HMMR: variants seen among roughly 807,000 people sequenced by gnomAD.
HMMR encodes the protein hyaluronan mediated motility receptor.
A neutral mutation model predicts 101.0 loss-of-function variants in HMMR; 108 were observed. The ratio of observed to expected loss-of-function variants is 1.07; its 90% CI spans 0.92 to 1.25. HMMR has a LOEUF of 1.25. Among genes scored for constraint, HMMR ranks in the 50% most tolerant of loss-of-function variants. The probability of loss-of-function intolerance (pLI) is 0.00; values close to 1 mark genes in which losing one functional copy is unlikely to be tolerated. For synonymous variants in HMMR, 296 were observed against 276.4 expected, an observed-to-expected ratio of 1.07 and a Z score of -0.70; for missense variants, 813 against 788.7, an observed-to-expected ratio of 1.03 and a Z score of -0.37.
intron 5 of HMMR, 136 bp downstream of exon 5, chr5:163,469,965 C>G (rs752903736): frequency 1.7e-4 from 92 of 556,164 alleles, no homozygotes; most frequent in Admixed American, 2.1e-4. Context: ...GTCGGGAGTT[C>G]GAGACCAGCC....
At chr5:163,466,840 G>T (rs1362591823) in intron 3 of HMMR, among the ~76,000 whole-genome samples, 5 of 152,016 alleles carry the variant, frequency 3.3e-5, no homozygotes, top group Middle Eastern at 3.2e-3. Context: ...AAATGCATAG[G>T]TGGCTTGCAT....
In HMMR at chr5:163,460,661, G is replaced by A. The variant is rs1487258202; in HGVS notation, c.-32G>A. ...CGCATTCAGTTGTCGAGGAGTGCCA[G>A]TCACCTTCAGTTTCTGGAGCTGGCC... On this transcript the variant is annotated 5_prime_UTR_variant, in exon 1 of 18. Transcript: ENST00000393915. 1.3e-6 allele frequency: 2 copies of A among 1,590,918 alleles called. No individual in the cohort carries two copies. Among genetic ancestry groups the A allele is most frequent in the South Asian group, 1.1e-5 (1 of 88,068 alleles).
At chr5:163,461,400 T>A (rs1242996837) in intron 1 of HMMR, among the ~76,000 whole-genome samples, 1 of 152,078 alleles carries the variant, frequency 6.6e-6, no homozygotes, top group Non-Finnish European at 1.5e-5. Flanking sequence ...GTGACCGGAC[T>A]GGAATATGAA....
rs1279471477 is a variant in HMMR, at chr5:163,466,373, G to A, written c.226-1328G>A. ...TAGGTTGTTCATTCATTTGGCAGTT[G>A]CCTAAGCCTCATATTCTGTAATATA... On this transcript the variant is annotated intron_variant, in intron 3 of 17. Coordinates refer to ENST00000393915, the MANE Select transcript of HMMR (RefSeq NM_001142556.2). 2.0e-5 allele frequency among the ~76,000 whole-genome samples: 3 copies of A among 152,324 alleles called. No individual in the cohort carries two copies. The East Asian group carries it at 5.8e-4, about 29-fold the overall frequency.
At chr5:163,461,824 A>G (rs1758546251) in intron 1 of HMMR, among the ~76,000 whole-genome samples, 1 of 152,070 alleles carries the variant, frequency 6.6e-6, no homozygotes, top group Non-Finnish European at 1.5e-5. Flanking sequence ...CTGTGCTACT[A>G]GATCTTGTTT....
chr5:163,472,675 A>G (rs1163946206), intron 7 of HMMR, among the ~76,000 whole-genome samples: 1 of 152,190 alleles, frequency 6.6e-6, no homozygotes, highest in Non-Finnish European at 1.5e-5. Context: ...ATTTGTTACC[A>G]TGAATGTTGA....
At chr5:163,464,595 CAGTG>C (rs1430442689) in intron 2 of HMMR, 124 bp from the exon 3 acceptor site, 17 of 657,678 alleles carry the variant, frequency 2.6e-5, no homozygotes, top group Middle Eastern at 4.0e-4. Flanking sequence ...GGCTGGGTGA[CAGTG>C]AGACTGTCTC....
intron 3 of HMMR, among the ~76,000 whole-genome samples, chr5:163,465,492 G>A (rs774650454): frequency 6.6e-6 from 1 of 151,948 alleles, no homozygotes; most frequent in South Asian, 2.1e-4. Flanking sequence ...GCCCCACCAC[G>A]CCCAGTTACT....
intron 14 of HMMR, 44 bp downstream of exon 14, chr5:163,483,216 G>A (rs189148127): frequency 1.3e-5 from 21 of 1,596,594 alleles, no homozygotes; most frequent in African/African-American, 2.7e-5. Flanking sequence ...ACTCAGTTAC[G>A]ATGTGATTTT....
At chr5:163,464,130 A>G (rs756342982) in intron 2 of HMMR, among the ~76,000 whole-genome samples, 176 bp downstream of exon 2, 25 of 152,344 alleles carry the variant, frequency 1.6e-4, no homozygotes, top group Non-Finnish European at 3.5e-4. Flanking sequence ...TCATCATTAC[A>G]TTGTTATATA....
At chr5:163,470,975 C>A (rs13170968) in intron 5 of HMMR, among the ~76,000 whole-genome samples, 25,628 of 151,830 alleles carry the variant, frequency 0.17, 2,529 homozygotes, top group South Asian at 0.27. Flanking sequence ...GCCTGGACAG[C>A]GGAGCGAGAC....
chr5:163,474,923 A>T (rs1759019280), intron 10 of HMMR, among the ~76,000 whole-genome samples: 1 of 152,048 alleles, frequency 6.6e-6, no homozygotes. Flanking sequence ...CCAAATGTAT[A>T]TGTATATATA....
Position 163,462,027 on chromosome 5 carries a change from G to A in HMMR, c.46+1289G>A, listed in dbSNP as rs149069501. Among the ~76,000 whole-genome samples the A allele has an allele frequency of 5.8e-3, 878 of 152,290 alleles. 4 individuals carry two copies. Among genetic ancestry groups the A allele is most frequent in the Non-Finnish European group, 8.9e-3 (603 of 68,026 alleles). On this transcript the variant is annotated intron_variant, in intron 1 of 17. Coordinates refer to ENST00000393915, the MANE Select transcript of HMMR (RefSeq NM_001142556.2). The stretch of plus-strand genomic sequence containing the variant: ...AAGTTTTGTCAGCCAACGTGTGAAT[G>A]AAAATACAACTACTCACAAAGGAAG...
chr5:163,470,275 C>A (rs926107136), intron 5 of HMMR, among the ~76,000 whole-genome samples: 1 of 152,106 alleles, frequency 6.6e-6, no homozygotes, highest in Non-Finnish European at 1.5e-5. Flanking sequence ...TAGAGTCTTG[C>A]AATGGACTTT....
At chr5:163,466,123 G>A (rs147425293) in intron 3 of HMMR, among the ~76,000 whole-genome samples, 1,853 of 151,826 alleles carry the variant, frequency 0.012, 37 homozygotes, top group African/African-American at 0.042. Flanking sequence ...AAAATTAGCC[G>A]TGTGTGGTGG....
intron 2 of HMMR, among the ~76,000 whole-genome samples, chr5:163,464,436 T>C (rs1758636055): frequency 6.6e-6 from 1 of 152,052 alleles, no homozygotes. Flanking sequence ...GCCAACATGG[T>C]GAAACCCCAT....
At chr5:163,465,073 A>G in intron 3 of HMMR, 1 of 336,032 alleles carries the variant, frequency 3.0e-6, no homozygotes, top group Admixed American at 4.8e-5. Context: ...TAAACATTTC[A>G]AAATTATGTG....
chr5:163,483,071 A>G lies in HMMR; in HGVS notation c.1584A>G (p.Lys528=). 1 of 1,612,826 alleles carries G rather than the reference A, an allele frequency of 6.2e-7. No individual in the cohort carries two copies. The highest frequency in any genetic ancestry group is 8.5e-7 in the Non-Finnish European group (1 of 1,179,340). Reference sequence around the variant, plus strand: ...CAGCACTAAAGGAAACAGAAATTAAAGAAATCACAGTTTCTTTTCTTCAAA... The same window carrying G: ...CAGCACTAAAGGAAACAGAAATTAAGGAAATCACAGTTTCTTTTCTTCAAA... ...TKSALKETEI[K]EITVSFLQKI... Residue 528 remains lysine (K), a synonymous_variant, in exon 14 of 18, where the codon AAA becomes AAG. Coordinates refer to ENST00000393915, the MANE Select transcript of HMMR (RefSeq NM_001142556.2).
Position 163,475,485 on chromosome 5 carries a change from C to T in HMMR, c.1081C>T (p.Leu361Phe). ...ATTATCTTCGAGTCTTCATCAGAAG[C>T]TCTGTTCTTTTCAAGAGGAAATGGT... is the stretch of plus-strand genomic sequence containing the variant. ...KELSSSLHQK[L>F]CSFQEEMVKE... The change falls in exon 11 of 18, where the codon CTC (leucine) becomes TTC (phenylalanine). Residue 361 changes from leucine (L) to phenylalanine (F), a missense_variant. Transcript: ENST00000393915. 6.2e-7 allele frequency: 1 copy of T among 1,602,286 alleles called. No homozygotes were observed. Among genetic ancestry groups the T allele is most frequent in the Non-Finnish European group, 8.5e-7 (1 of 1,172,886 alleles).
Sources: allele counts gnomAD v4.1 joint callset (sites outside exome capture counted in the v4.1 genomes callset), GRCh38; gene constraint gnomAD v4.1.1; transcripts MANE v1.5; gene names NCBI Gene and HGNC (gene_info 2026-07-23, HGNC 2026-07-21).